The following LDAH variants were observed in gnomAD, a reference collection of about 807,000 sequenced individuals.
LDAH encodes lipid droplet associated hydrolase.
LDAH carries 26 observed loss-of-function variants against 29.6 expected under a neutral mutation model. That is an observed-to-expected ratio of 0.88 (90% CI 0.64 to 1.22). The LOEUF (loss-of-function observed/expected upper bound fraction) is 1.22. LDAH is among the 50% of genes most tolerant of loss of function. The probability of loss-of-function intolerance (pLI) is 0.00; values close to 1 mark genes in which losing one functional copy is unlikely to be tolerated. For synonymous variants in LDAH, 117 were observed against 133.0 expected, an observed-to-expected ratio of 0.88 and a Z score of 0.83; for missense variants, 344 against 387.3, an observed-to-expected ratio of 0.89 and a Z score of 0.94.
At chr2:20,810,809 G>A (rs1040089207) in intron 1 of LDAH, among the ~76,000 whole-genome samples, 2 of 152,116 alleles carry the variant, frequency 1.3e-5, no homozygotes, top group African/African-American at 4.8e-5. Context: ...TTAGATCAGT[G>A]GAGGCATTAA....
At chr2:20,704,535 G>A (rs1223787252) in intron 5 of LDAH, among the ~76,000 whole-genome samples, 2 of 152,010 alleles carry the variant, frequency 1.3e-5, no homozygotes, top group Non-Finnish European at 2.9e-5. Context: ...AAAAATAATA[G>A]TAACTGACAA....
chr2:20,729,067 A>C (rs1217807366), intron 5 of LDAH, among the ~76,000 whole-genome samples: 1 of 152,236 alleles, frequency 6.6e-6, no homozygotes, highest in African/African-American at 2.4e-5. Flanking sequence ...TTCTTCAAGC[A>C]ACAATGTAGT....
At chr2:20,703,327 C>T (rs1387197256) in intron 5 of LDAH, among the ~76,000 whole-genome samples, 1 of 152,170 alleles carries the variant, frequency 6.6e-6, no homozygotes, top group East Asian at 1.9e-4. Flanking sequence ...AGCTGTCCTT[C>T]CACCAGTTAT....
rs375397312 is a variant in LDAH, at chr2:20,717,762, A to G, written c.704-16110T>C. On this transcript the variant is annotated intron_variant, in intron 5 of 6. Coordinates refer to ENST00000237822, the MANE Select transcript of LDAH (RefSeq NM_021925.4). ...TTCTTTTCTCTTGTTTTTGTGATCAAAGTTAGGTTGCTATCAGTGTGTGTG... is the reference window on the plus strand; with the variant it reads ...TTCTTTTCTCTTGTTTTTGTGATCAGAGTTAGGTTGCTATCAGTGTGTGTG... Among the ~76,000 whole-genome samples the G allele has an allele frequency of 1.5e-3, 226 of 152,208 alleles. 4 individuals carry two copies. In the South Asian group the frequency reaches 0.043, roughly 29 times the overall value.
At chr2:20,771,254 T>G (rs566169506) in intron 4 of LDAH, among the ~76,000 whole-genome samples, 1 of 152,190 alleles carries the variant, frequency 6.6e-6, no homozygotes, top group South Asian at 2.1e-4. Context: ...TAATTAGTTA[T>G]GAAAATATTA....
intron 1 of LDAH, among the ~76,000 whole-genome samples, chr2:20,815,177 T>C (rs1261363199): frequency 2.0e-5 from 3 of 151,866 alleles, no homozygotes; most frequent in Admixed American, 1.3e-4. Flanking sequence ...GGCTCAATAG[T>C]GGAGTGGAAT....
intron 3 of LDAH, among the ~76,000 whole-genome samples, chr2:20,778,835 T>C (rs1381675244): frequency 6.6e-6 from 1 of 152,132 alleles, no homozygotes; most frequent in Non-Finnish European, 1.5e-5. Context: ...CTTTATTACA[T>C]GTATATTACT....
At chr2:20,790,455 A>G in intron 2 of LDAH, 57 bp from the exon 3 acceptor site, 1 of 1,464,380 alleles carries the variant, frequency 6.8e-7, no homozygotes, top group South Asian at 1.2e-5. Context: ...GCATAAGATG[A>G]CACGCAGGCT....
intron 3 of LDAH, chr2:20,788,866 T>G: frequency 3.0e-6 from 1 of 337,878 alleles, no homozygotes; most frequent in South Asian, 3.4e-5. Context: ...TAAGTTATTT[T>G]TTCTCTCATT....
intron 5 of LDAH, among the ~76,000 whole-genome samples, chr2:20,732,534 T>C (rs1666479813): frequency 6.6e-6 from 1 of 152,170 alleles, no homozygotes; most frequent in Admixed American, 6.5e-5. Flanking sequence ...TTTTTGGAAG[T>C]TTTAAAATTA....
chr2:20,729,332 G>C lies in LDAH; in HGVS notation c.703+10639C>G, dbSNP rs201739426. On this transcript the variant is annotated intron_variant, in intron 5 of 6. Coordinates refer to ENST00000237822, the MANE Select transcript of LDAH (RefSeq NM_021925.4). ...TTTTAATTAAAAACATTAAGCACTT[G>C]ATTATATGTTATATGTGACATATTA... Among the ~76,000 whole-genome samples the C allele has an allele frequency of 4.6e-5, 7 of 152,206 alleles. No individual in the cohort carries two copies. In the East Asian group the frequency reaches 1.3e-3, roughly 29 times the overall value.
chr2:20,803,823 A>G (rs1457014062), intron 1 of LDAH, among the ~76,000 whole-genome samples: 1 of 152,202 alleles, frequency 6.6e-6, no homozygotes, highest in African/African-American at 2.4e-5. Flanking sequence ...TTCTCCTTAT[A>G]GAGTGACTTC....
At chr2:20,786,910 T>G (rs1043180647) in intron 3 of LDAH, among the ~76,000 whole-genome samples, 1 of 152,170 alleles carries the variant, frequency 6.6e-6, no homozygotes, top group Non-Finnish European at 1.5e-5. Flanking sequence ...TTGAGAATAT[T>G]CTGGACATAC....
chr2:20,816,037 T>A (rs912360765), intron 1 of LDAH, among the ~76,000 whole-genome samples: 3 of 152,060 alleles, frequency 2.0e-5, no homozygotes, highest in African/African-American at 4.8e-5. Context: ...TCTCTAAACT[T>A]CAATTGGCAA....
At chr2:20,734,843 T>C (rs984999881) in intron 5 of LDAH, among the ~76,000 whole-genome samples, 2 of 152,220 alleles carry the variant, frequency 1.3e-5, no homozygotes, top group Non-Finnish European at 2.9e-5. Context: ...GTTCTTTTAG[T>C]TTTTCAACAT....
At chr2:20,688,893 G>T (rs1251167608) in intron 6 of LDAH, among the ~76,000 whole-genome samples, 3 of 139,502 alleles carry the variant, frequency 2.2e-5, no homozygotes, top group Non-Finnish European at 4.5e-5. Flanking sequence ...AGAGTGTGCA[G>T]GTTTGTTACA....
intron 4 of LDAH, among the ~76,000 whole-genome samples, chr2:20,769,358 G>A (rs1186560969): frequency 2.0e-5 from 3 of 152,032 alleles, no homozygotes; most frequent in African/African-American, 7.3e-5. Flanking sequence ...TTGAATCTAG[G>A]GATAGGATTC....
In LDAH at chr2:20,701,639, G is replaced by A; in HGVS notation, c.717C>T (p.Tyr239=). The A allele has an allele frequency of 2.5e-6, 4 of 1,613,840 alleles. No homozygotes were observed. Among genetic ancestry groups the A allele is most frequent in the Middle Eastern group, 1.7e-4 (1 of 6,058 alleles). ...CCTCCATCATTTCTTGGCCCCCAAGGTAGGCAGCATTAGCTACATTTAAAA... is the reference window on the plus strand; with the variant it reads ...CCTCCATCATTTCTTGGCCCCCAAGATAGGCAGCATTAGCTACATTTAAAA... ...LEPFCLANAA[Y]LGGQEMMEVV... is the part of the protein sequence containing the mutation. The change falls in exon 6 of 7, where the codon TAC becomes TAT. Residue 239 remains tyrosine (Y), a synonymous_variant. Coordinates refer to ENST00000237822, the MANE Select transcript of LDAH (RefSeq NM_021925.4).
intron 6 of LDAH, among the ~76,000 whole-genome samples, chr2:20,690,208 C>A (rs370429765): frequency 1.3e-5 from 2 of 152,166 alleles, no homozygotes; most frequent in Non-Finnish European, 2.9e-5. Flanking sequence ...ACCCGACACC[C>A]ACCTCAGGGT....
Sources: allele counts gnomAD v4.1 joint callset (sites outside exome capture counted in the v4.1 genomes callset), GRCh38; gene constraint gnomAD v4.1.1; transcripts MANE v1.5; gene names NCBI Gene and HGNC (gene_info 2026-07-23, HGNC 2026-07-21).